RP1: variants seen among roughly 807,000 people sequenced by gnomAD.
RP1 encodes RP1 axonemal microtubule associated.
In RP1, 16 loss-of-function variants were observed where a neutral mutation model predicts 14.8. The ratio of observed to expected loss-of-function variants is 1.08; its 90% CI spans 0.73 to 1.65. RP1 has a LOEUF of 1.65. Among genes scored for constraint, RP1 ranks in the 40% most tolerant of loss-of-function variants. The probability of loss-of-function intolerance (pLI) is 0.00; values close to 1 mark genes in which losing one functional copy is unlikely to be tolerated. For missense variants in RP1, 2,631 were observed against 2,535.0 expected, an observed-to-expected ratio of 1.04 and a Z score of -0.81; for synonymous variants, 876 against 883.6, an observed-to-expected ratio of 0.99 and a Z score of 0.15.
intron 15 of RP1, among the ~76,000 whole-genome samples, chr8:54,709,711 C>A (rs1808249922): frequency 6.6e-6 from 1 of 152,146 alleles, no homozygotes; most frequent in Non-Finnish European, 1.5e-5. Flanking sequence ...GATAAGCACA[C>A]CATAGCTAGG....
Position 54,621,284 on chromosome 8 carries a change from T to A in RP1, c.318T>A (p.Cys106Ter). 6.2e-7 allele frequency: 1 copy of A among 1,614,006 alleles called. No homozygotes were observed. Among genetic ancestry groups the A allele is most frequent in the Non-Finnish European group, 8.5e-7 (1 of 1,180,010 alleles). Reference sequence around the variant, plus strand: ...TGGAGGACGGCGAGTCCTACCTATGTTCCCACGGCAGGAAGGTGCAGCCTG... The same window carrying A: ...TGGAGGACGGCGAGTCCTACCTATGATCCCACGGCAGGAAGGTGCAGCCTG... ...EELEDGESYL[C>*]SHGRKVQPVD... Residue 106 changes from cysteine (C) to a stop codon, truncating the protein, a stop_gained, in exon 2 of 4, where the codon TGT becomes TGA. Transcript: ENST00000220676. LOFTEE classifies it high-confidence loss of function.
chr8:54,830,101 T>C (rs373287988), intron 24 of RP1, among the ~76,000 whole-genome samples: 40 of 152,182 alleles, frequency 2.6e-4, no homozygotes, highest in African/African-American at 8.9e-4. Context: ...TTTTTGTAAA[T>C]ATCTATCAAT....
At chr8:54,726,436 A>G (rs1808655810) in exon 17 of RP1, 4 of 1,534,216 alleles carry the variant, frequency 2.6e-6, no homozygotes, top group Admixed American at 2.0e-5. Context: ...AAATACCCCC[A>G]GAATCTGAGG....
intron 25 of RP1, among the ~76,000 whole-genome samples, chr8:54,839,522 G>A (rs758103093): frequency 2.0e-4 from 30 of 152,122 alleles, no homozygotes; most frequent in South Asian, 4.1e-4. Flanking sequence ...TAATGACTCC[G>A]CCTCTTCTGG....
chr8:54,864,798 CT>C (rs1388715956), intron 27 of RP1, among the ~76,000 whole-genome samples: 2 of 152,156 alleles, frequency 1.3e-5, no homozygotes, highest in African/African-American at 4.8e-5. Flanking sequence ...GGTGATTCCC[CT>C]CCCTTACTCA....
In RP1 at chr8:54,627,001, T is replaced by C. The variant is rs1251985216; in HGVS notation, c.3119T>C (p.Ile1040Thr). Residue 1040 changes from isoleucine (I) to threonine (T), a missense_variant, in exon 4 of 4, where the codon ATA becomes ACA. Ile to Thr is a moderately conservative substitution (Grantham distance 89). Coordinates refer to ENST00000220676, the MANE Select transcript of RP1 (RefSeq NM_006269.2). ...AINDHNTKSH[I>T]AAEKSGPEKK... ...AATGATCATAATACTAAAAGTCATA[T>C]AGCTGCTGAAAAATCAGGACCAGAG... 7 of 1,614,028 alleles carry C rather than the reference T, an allele frequency of 4.3e-6. No individual in the cohort carries two copies. Among genetic ancestry groups the C allele is most frequent in the Middle Eastern group, 1.6e-4 (1 of 6,062 alleles).
At chr8:54,870,148 G>T (rs749410462) in exon 29 of RP1, 10 of 368,246 alleles carry the variant, frequency 2.7e-5, no homozygotes, top group Non-Finnish European at 4.3e-5. Context: ...TCAGCCCCTG[G>T]TATCTGGGGT....
rs1319097200 is a variant in RP1 at position 54,786,256 on chromosome 8, GT to G, written c.3615+2553del. Among the ~76,000 whole-genome samples, 11 of 152,068 alleles carry G rather than the reference GT, an allele frequency of 7.2e-5. No homozygotes were observed. The East Asian group carries it at 1.9e-3, about 27-fold the overall frequency. On this transcript the variant is annotated intron_variant, in intron 24 of 28. Coordinates refer to the RP1 transcript ENST00000637698. ...TTGCATATGCAAGTCTTGGTTGACA[GT>G]TTTTTTCTTTCAGTACTTTGAATAT...
intron 8 of RP1, among the ~76,000 whole-genome samples, chr8:54,677,366 A>G (rs924546716): frequency 6.6e-6 from 1 of 152,226 alleles, no homozygotes; most frequent in East Asian, 1.9e-4. Flanking sequence ...GCACCACTCA[A>G]TAACGGGAGT....
chr8:54,805,606 A>G (rs948080552), intron 24 of RP1, among the ~76,000 whole-genome samples: 2 of 152,198 alleles, frequency 1.3e-5, no homozygotes, highest in African/African-American at 4.8e-5. Context: ...CAGCTGGAAA[A>G]TGCAAGCAAC....
At chr8:54,579,038 A>G (rs1030077046) in intron 1 of RP1, among the ~76,000 whole-genome samples, 4 of 152,212 alleles carry the variant, frequency 2.6e-5, no homozygotes, top group African/African-American at 9.6e-5. Flanking sequence ...CTTAGTTCCA[A>G]TGCTTCACTT....
At chr8:54,595,676 C>G (rs369418526) in intron 1 of RP1, among the ~76,000 whole-genome samples, 4 of 152,218 alleles carry the variant, frequency 2.6e-5, no homozygotes, top group South Asian at 4.1e-4. Context: ...CCAGAGTCTA[C>G]TCGCCTGATT....
At chr8:54,657,179 T>C (rs1806773339) in intron 6 of RP1, among the ~76,000 whole-genome samples, 1 of 152,194 alleles carries the variant, frequency 6.6e-6, no homozygotes, top group Admixed American at 6.5e-5. Flanking sequence ...TTAGAAGCAT[T>C]GTTATCACTA....
At chr8:54,794,222 A>G (rs1230885456) in intron 24 of RP1, among the ~76,000 whole-genome samples, 3 of 151,960 alleles carry the variant, frequency 2.0e-5, no homozygotes, top group African/African-American at 7.2e-5. Flanking sequence ...CCAAAATTTC[A>G]TGTGAAACCA....
At position 54,627,177 on chromosome 8, in the gene RP1, C is replaced by T; in HGVS notation, c.3295C>T (p.His1099Tyr). ...ATTGCAAGCTTCAGTTCCTGGTATT[C>T]ACAAGACTCAGAATGGAGTTGTTCA... ...HQLQASVPGI[H>Y]KTQNGVVQMP... Residue 1099 changes from histidine to tyrosine, a missense_variant, in exon 4 of 4, where the codon CAC becomes TAC. Physicochemically the swap from His to Tyr is moderately conservative, Grantham distance 83. Transcript: ENST00000220676. 1 of 1,614,028 alleles carries T rather than the reference C, an allele frequency of 6.2e-7. No homozygotes were observed. Among genetic ancestry groups the T allele is most frequent in the Non-Finnish European group, 8.5e-7 (1 of 1,179,972 alleles).
At chr8:54,605,378 GT>G (rs1412898233) in intron 1 of RP1, among the ~76,000 whole-genome samples, 1 of 152,158 alleles carries the variant, frequency 6.6e-6, no homozygotes, top group African/African-American at 2.4e-5. Context: ...CTGAGTTCTA[GT>G]TTGATTGCAC....
At chr8:54,679,966 A>G (rs745698490) in intron 12 of RP1, 2 of 1,531,854 alleles carry the variant, frequency 1.3e-6, no homozygotes, top group South Asian at 2.4e-5. Flanking sequence ...GTGGTGCTGG[A>G]CAGGTCTGGG....
chr8:54,771,422 C>G (rs944319597), downstream of RP1, among the ~76,000 whole-genome samples: 11 of 151,942 alleles, frequency 7.2e-5, no homozygotes, highest in African/African-American at 2.2e-4. Context: ...AGTCCTTTGT[C>G]AATAATGTAA....
intron 27 of RP1, among the ~76,000 whole-genome samples, chr8:54,860,052 A>C (rs1419839787): frequency 6.6e-6 from 1 of 152,206 alleles, no homozygotes; most frequent in Non-Finnish European, 1.5e-5. Flanking sequence ...TCACTATTGC[A>C]GGCAAAGGAA....
Sources: gnomAD v4.1 joint callset for allele counts (sites outside exome capture counted in the v4.1 genomes callset) on GRCh38, gnomAD v4.1.1 for gene constraint, MANE v1.5 for transcripts, NCBI Gene and HGNC (gene_info 2026-07-23, HGNC 2026-07-21) for gene names.